BRINP2: variants seen among roughly 807,000 people sequenced by gnomAD.
BRINP2 encodes the protein BMP/retinoic acid-inducible neural-specific protein 2.
BRINP2 carries 21 observed loss-of-function variants against 69.2 expected under a neutral mutation model. The ratio of observed to expected loss-of-function variants is 0.30; its 90% CI spans 0.22 to 0.44. BRINP2 has a LOEUF of 0.44. Among genes scored for constraint, BRINP2 ranks in the 20% least tolerant of loss-of-function variants. The pLI is 1.00. For synonymous variants in BRINP2, 380 were observed against 394.1 expected (o/e 0.96, Z 0.42); for missense variants, 877 against 986.0 (o/e 0.89, Z 1.48).
intron 1 of BRINP2, among the ~76,000 whole-genome samples, chr1:177,199,753 TAGA>T (rs1182947583): frequency 6.6e-6 from 1 of 152,176 alleles, no homozygotes; most frequent in East Asian, 1.9e-4. Flanking sequence ...AGGAAAAAAG[TAGA>T]AGACTTTTTA....
At chr1:177,265,303 A>T (rs972421907) in intron 4 of BRINP2, among the ~76,000 whole-genome samples, 1 of 152,128 alleles carries the variant, frequency 6.6e-6, no homozygotes, top group African/African-American at 2.4e-5. Flanking sequence ...ACAAAAATTA[A>T]CTCAAGATGG....
rs149441185 is a variant in BRINP2 at position 177,230,005 on chromosome 1, C to T, written c.129C>T (p.Pro43=). 115 of 1,613,546 alleles carry T rather than the reference C, an allele frequency of 7.1e-5. No homozygotes were observed. The Middle Eastern group carries it at 9.9e-4, about 14-fold the overall frequency. ...CAGCCACGGCGGCTGCTGTGGTCCC[C>T]GAGCAGCATGCCTCCGTAGCTGGCC... ...AVSATAAAVV[P]EQHASVAGQH... The change falls in exon 2 of 8, where the codon CCC becomes CCT. Residue 43 remains proline, a synonymous_variant. Coordinates refer to ENST00000361539, the MANE Select transcript of BRINP2 (RefSeq NM_021165.4).
intron 2 of BRINP2, among the ~76,000 whole-genome samples, chr1:177,232,408 T>A (rs1649886323): frequency 6.6e-6 from 1 of 152,220 alleles, no homozygotes; most frequent in Non-Finnish European, 1.5e-5. Flanking sequence ...TCTGTTTCTC[T>A]GGGGTCAGTT....
chr1:177,244,801 GA>G (rs1650323551), intron 2 of BRINP2, among the ~76,000 whole-genome samples: 1 of 152,156 alleles, frequency 6.6e-6, no homozygotes, highest in African/African-American at 2.4e-5. Flanking sequence ...GTACCTGGAG[GA>G]AGCAGTTCTC....
In BRINP2 at chr1:177,278,462, C is replaced by T. The variant is rs190412908; in HGVS notation, c.1013-101C>T. On this transcript the variant is annotated intron_variant, in intron 6 of 7. Transcript: ENST00000361539. Reference sequence around the variant, plus strand: ...TGGGTGTGCAGCCTCCTTTCTCATGCAGTAACTTTGAAGGGCCCTGGATCT... The same window carrying T: ...TGGGTGTGCAGCCTCCTTTCTCATGTAGTAACTTTGAAGGGCCCTGGATCT... The T allele has an allele frequency of 2.8e-6, 3 of 1,072,692 alleles. No individual in the cohort carries two copies. In the African/African-American group the frequency reaches 4.7e-5, roughly 17 times the overall value. The allele number at this position is 1,072,692 out of a possible 1,614,324, so 66.4% of individuals were successfully genotyped here. A position where few individuals can be genotyped will look rare whatever the true frequency, so the allele number is the denominator to read the frequency against.
chr1:177,248,150 A>G (rs1201224325), intron 2 of BRINP2, among the ~76,000 whole-genome samples: 3 of 152,210 alleles, frequency 2.0e-5, no homozygotes, highest in Non-Finnish European at 4.4e-5. Flanking sequence ...AACCACCCAC[A>G]TTGTAGGCTA....
intron 6 of BRINP2, 127 bp downstream of exon 6, chr1:177,276,561 T>C (rs1651501945): frequency 1.2e-6 from 1 of 834,708 alleles, no homozygotes; most frequent in Admixed American, 2.5e-5. Flanking sequence ...CTTAATTGTG[T>C]CTGTGACCTC....
At position 177,256,211 on chromosome 1, in the gene BRINP2, C is replaced by T; in HGVS notation, c.460+102C>T. 5 of 1,444,174 alleles carry T rather than the reference C, an allele frequency of 3.5e-6. No individual in the cohort carries two copies. The South Asian group carries it at 5.7e-5, about 16-fold the overall frequency. 89.5% of individuals were successfully genotyped at this position (1,444,174 alleles called of 1,614,324 possible). A position where few individuals can be genotyped will look rare whatever the true frequency, so the allele number is the denominator to read the frequency against. ...CCAACAGTCTTATCTTCTTCCGGGC[C>T]TTTTATTGCCTGAGAAGTCTTTCTG... On this transcript the variant is annotated intron_variant, in intron 3 of 7. Coordinates refer to ENST00000361539, the MANE Select transcript of BRINP2 (RefSeq NM_021165.4).
intron 6 of BRINP2, among the ~76,000 whole-genome samples, chr1:177,277,290 T>C (rs1412922634): frequency 1.3e-5 from 2 of 151,844 alleles, no homozygotes; most frequent in South Asian, 2.1e-4. Flanking sequence ...ACTACATTTG[T>C]TGAAAAATAA....
chr1:177,244,805 C>A (rs780177763), intron 2 of BRINP2, among the ~76,000 whole-genome samples: 1 of 152,168 alleles, frequency 6.6e-6, no homozygotes, highest in Non-Finnish European at 1.5e-5. Context: ...CTGGAGGAAG[C>A]AGTTCTCATA....
intron 4 of BRINP2, among the ~76,000 whole-genome samples, chr1:177,265,410 T>G (rs1651085992): frequency 6.6e-6 from 1 of 152,218 alleles, no homozygotes; most frequent in South Asian, 2.1e-4. Flanking sequence ...CCCTTCTTCA[T>G]GCCCACTGCC....
chr1:177,218,413 A>G, intron 1 of BRINP2, among the ~76,000 whole-genome samples: 1 of 152,146 alleles, frequency 6.6e-6, no homozygotes. Flanking sequence ...ATTGAGCACG[A>G]CTAGTGGCAG....
At chr1:177,194,617 C>T (rs189299006) in intron 1 of BRINP2, among the ~76,000 whole-genome samples, 1 of 152,318 alleles carries the variant, frequency 6.6e-6, no homozygotes, top group Admixed American at 6.5e-5. Flanking sequence ...CTTCTATCCC[C>T]TTTTGATTTT....
intron 2 of BRINP2, among the ~76,000 whole-genome samples, chr1:177,252,509 C>T (rs922273734): frequency 3.3e-5 from 5 of 152,122 alleles, no homozygotes; most frequent in Non-Finnish European, 4.4e-5. Context: ...ATGCATACAC[C>T]GAATAATGAT....
chr1:177,180,011 AT>A (rs1377803967), intron 1 of BRINP2, among the ~76,000 whole-genome samples: 4 of 152,198 alleles, frequency 2.6e-5, no homozygotes, highest in Non-Finnish European at 5.9e-5. Context: ...AATATCTCTT[AT>A]AATAAAAGGT....
intron 1 of BRINP2, among the ~76,000 whole-genome samples, chr1:177,180,595 A>G (rs376718018): frequency 6.6e-6 from 1 of 152,192 alleles, no homozygotes; most frequent in African/African-American, 2.4e-5. Flanking sequence ...ACTTTCATCA[A>G]TAAACCCTTA....
At chr1:177,225,379 G>A (rs1649665235) in intron 1 of BRINP2, among the ~76,000 whole-genome samples, 1 of 152,210 alleles carries the variant, frequency 6.6e-6, no homozygotes, top group Non-Finnish European at 1.5e-5. Context: ...GTCTAAGTAA[G>A]TGAAATGATT....
chr1:177,243,634 A>G (rs1650279929), intron 2 of BRINP2, among the ~76,000 whole-genome samples: 1 of 152,234 alleles, frequency 6.6e-6, no homozygotes, highest in Admixed American at 6.5e-5. Flanking sequence ...AGAATATTGG[A>G]TAGATACAAT....
intron 2 of BRINP2, among the ~76,000 whole-genome samples, chr1:177,248,767 T>C (rs1650478267): frequency 6.6e-6 from 1 of 152,232 alleles, no homozygotes; most frequent in Non-Finnish European, 1.5e-5. Context: ...AACATAGTGC[T>C]GCAGGTGGCT....
Sources: allele counts gnomAD v4.1 joint callset (sites outside exome capture counted in the v4.1 genomes callset), GRCh38; gene constraint gnomAD v4.1.1; transcripts MANE v1.5; gene names NCBI Gene and HGNC (gene_info 2026-07-23, HGNC 2026-07-21).